The following ING5 variants were observed in gnomAD, a reference collection of about 807,000 sequenced individuals.
ING5 encodes inhibitor of growth protein 5.
Under a neutral mutation model 37.4 loss-of-function variants are expected in ING5, and 17 were observed. That is an observed-to-expected ratio of 0.45 (90% CI 0.31 to 0.68). The LOEUF (loss-of-function observed/expected upper bound fraction) is 0.68, where lower values mean the gene tolerates loss of function less well. ING5 is among the 30% of genes least tolerant of loss of function. ING5 has a pLI of 0.05. For missense variants in ING5, 233 were observed against 311.9 expected, an observed-to-expected ratio of 0.75 and a Z score of 1.91; for synonymous variants, 123 against 116.6, an observed-to-expected ratio of 1.06 and a Z score of -0.36.
chr2:241,692,256 C>T (rs1049619280), intron 2 of ING5, among the ~76,000 whole-genome samples: 11 of 152,024 alleles, frequency 7.2e-5, no homozygotes, highest in East Asian at 1.9e-4. Flanking sequence ...CCAGAGATAA[C>T]AACTTGAACA....
chr2:241,719,826 C>T, intron 5 of ING5: 1 of 1,408,906 alleles, frequency 7.1e-7, no homozygotes, highest in South Asian at 1.6e-5. Context: ...TGTTTAGTAG[C>T]AATGCGGAGC....
chr2:241,696,465 G>A (rs1330275994), intron 2 of ING5, among the ~76,000 whole-genome samples: 1 of 152,026 alleles, frequency 6.6e-6, no homozygotes, highest in Non-Finnish European at 1.5e-5. Context: ...AAAATGGTGA[G>A]TCAGTAAAAG....
intron 5 of ING5, chr2:241,720,065 G>A: frequency 8.0e-7 from 1 of 1,242,690 alleles, no homozygotes; most frequent in South Asian, 3.9e-5. Flanking sequence ...AAGGCGCCAA[G>A]GAGGCCCCTT....
chr2:241,713,549 T>C (rs1306879257), intron 5 of ING5, among the ~76,000 whole-genome samples: 2 of 151,234 alleles, frequency 1.3e-5, no homozygotes, highest in Non-Finnish European at 2.9e-5. Context: ...TTTTTTTTAT[T>C]TTTTGTAGAG....
In ING5 at chr2:241,711,760, G is replaced by T. The variant is rs1005274741; in HGVS notation, c.389-218G>T. On this transcript the variant is annotated intron_variant, in intron 4 of 7. Coordinates refer to ENST00000313552, the MANE Select transcript of ING5 (RefSeq NM_032329.6). ...AACAAAAAATTTAAAAATTAGCCAGGTGTGGTGGTGCACACCTGTGGTCCC... is the reference window on the plus strand; with the variant it reads ...AACAAAAAATTTAAAAATTAGCCAGTTGTGGTGGTGCACACCTGTGGTCCC... 14 of 584,574 alleles carry T rather than the reference G, an allele frequency of 2.4e-5. No homozygotes were observed. The East Asian group carries it at 3.8e-4, about 16-fold the overall frequency. The allele number at this position is 584,574 out of a possible 1,614,324, so 36.2% of individuals were successfully genotyped here.
chr2:241,698,496 A>AGTGTGTGTGTGTGTGT (rs199798593), upstream of ING5, among the ~76,000 whole-genome samples: 5 of 147,422 alleles, frequency 3.4e-5, no homozygotes, highest in African/African-American at 1.3e-4. Flanking sequence ...ATAATAGAGG[A>AGTGTGTGTGTGTGTGT]GTGTGTGTGT....
upstream of ING5, among the ~76,000 whole-genome samples, chr2:241,700,195 C>T (rs530244349): frequency 2.3e-5 from 3 of 128,772 alleles, no homozygotes; most frequent in South Asian, 2.5e-4. Flanking sequence ...GTTGCTCTGT[C>T]GCCCAGGCTG....
At chr2:241,718,563 G>A (rs1478611346) in intron 5 of ING5, among the ~76,000 whole-genome samples, 1 of 151,586 alleles carries the variant, frequency 6.6e-6, no homozygotes, top group Admixed American at 6.6e-5. Flanking sequence ...TTACAGGCAC[G>A]TGCCACCATG....
chr2:241,698,496 AGTGTGT>A (rs199798593), upstream of ING5, among the ~76,000 whole-genome samples: 17,179 of 147,378 alleles, frequency 0.12, 987 homozygotes, highest in Non-Finnish European at 0.12. Flanking sequence ...ATAATAGAGG[AGTGTGT>A]GTGTGTGTGT....
intron 7 of ING5, chr2:241,724,096 T>G: frequency 7.7e-7 from 1 of 1,304,160 alleles, no homozygotes. Flanking sequence ...GAAAATGAAA[T>G]CGGAATGTGC....
intron 1 of ING5, among the ~76,000 whole-genome samples, chr2:241,702,925 G>A (rs532556873): frequency 1.0e-3 from 152 of 152,326 alleles, no homozygotes; most frequent in African/African-American, 3.6e-3. Flanking sequence ...GGGCCCTTGT[G>A]GGGGCGCTGC....
At chr2:241,697,204 G>A (rs2069643320), upstream of ING5, among the ~76,000 whole-genome samples, 2 of 152,014 alleles carry the variant, frequency 1.3e-5, no homozygotes, top group Non-Finnish European at 2.9e-5. Context: ...GGGAGGCCGG[G>A]GCAGGCGGAA....
At chr2:241,716,479 G>C (rs1164407818) in intron 5 of ING5, among the ~76,000 whole-genome samples, 1 of 151,702 alleles carries the variant, frequency 6.6e-6, no homozygotes, top group Non-Finnish European at 1.5e-5. Context: ...ATTTTTAGTA[G>C]AGACAGGTTT....
intron 2 of ING5, among the ~76,000 whole-genome samples, chr2:241,706,956 A>ATTTT (rs35471600): frequency 4.1e-5 from 5 of 120,746 alleles, no homozygotes; most frequent in African/African-American, 6.3e-5. Context: ...TGGTGTGGCA[A>ATTTT]TTTTTTTTTT....
At chr2:241,688,015 G>C (rs773187810) in exon 1 of ING5, 1 of 152,220 alleles carries the variant, frequency 6.6e-6, no homozygotes, top group Non-Finnish European at 1.5e-5. Context: ...GCGCTCAGTA[G>C]TGTTTGCTGT....
At chr2:241,720,502 C>T (rs2070403637) in intron 5 of ING5, 7 of 999,428 alleles carry the variant, frequency 7.0e-6, no homozygotes, top group Non-Finnish European at 8.3e-6. Flanking sequence ...CTGCCCCCTG[C>T]ACTGTTGCTG....
intron 2 of ING5, among the ~76,000 whole-genome samples, chr2:241,696,311 A>G (rs967514693): frequency 4.6e-5 from 7 of 152,072 alleles, no homozygotes; most frequent in African/African-American, 1.7e-4. Context: ...GAATCGCTTG[A>G]ACCTGGGAGG....
chr2:241,722,284 C>T (rs1230696174), intron 5 of ING5: 16 of 985,210 alleles, frequency 1.6e-5, no homozygotes, highest in South Asian at 9.4e-5. Flanking sequence ...CCAAAGGGGC[C>T]GGGGTCTTTG....
At chr2:241,688,662 C>T (rs757774733) in intron 1 of ING5, among the ~76,000 whole-genome samples, 1 of 151,976 alleles carries the variant, frequency 6.6e-6, no homozygotes, top group African/African-American at 2.4e-5. Flanking sequence ...CCTGCTCTGT[C>T]CCCCAGGCTG....
Sources: gnomAD v4.1 joint callset for allele counts (sites outside exome capture counted in the v4.1 genomes callset) on GRCh38, gnomAD v4.1.1 for gene constraint, MANE v1.5 for transcripts, NCBI Gene and HGNC (gene_info 2026-07-23, HGNC 2026-07-21) for gene names.